Variants in GAREM1 observed in about 807,000 individuals in gnomAD.
GAREM1 encodes GRB2-associated and regulator of MAPK protein 1.
GAREM1 carries 26 observed loss-of-function variants against 71.3 expected under a neutral mutation model. The observed-to-expected ratio is 0.36, with a 90% CI of 0.27 to 0.51. GAREM1 has a LOEUF of 0.51. Ranked by LOEUF, GAREM1 falls within the 20% of genes least tolerant of loss-of-function variation. The pLI is 0.95. For missense variants in GAREM1, 1,026 were observed against 1,103.1 expected (o/e 0.93, Z 0.99); for synonymous variants, 440 against 433.2 (o/e 1.02, Z -0.20).
intron 3 of GAREM1, among the ~76,000 whole-genome samples, chr18:32,302,625 C>T (rs778596714): frequency 3.3e-5 from 5 of 152,096 alleles, no homozygotes; most frequent in Non-Finnish European, 7.4e-5. Flanking sequence ...AGACAAATAC[C>T]ACATGGTCTC....
At chr18:32,450,757 G>C (rs892970509) in intron 1 of GAREM1, among the ~76,000 whole-genome samples, 2 of 152,140 alleles carry the variant, frequency 1.3e-5, no homozygotes, top group Admixed American at 6.5e-5. Flanking sequence ...TCACCCTGTT[G>C]AAAGTTGGGT....
chr18:32,360,946 C>T (rs2047859452), intron 2 of GAREM1, among the ~76,000 whole-genome samples: 1 of 152,192 alleles, frequency 6.6e-6, no homozygotes, highest in Non-Finnish European at 1.5e-5. Context: ...GTTAAAAACA[C>T]TCTTCATGAT....
chr18:32,433,344 G>T (rs2048642580), intron 1 of GAREM1, among the ~76,000 whole-genome samples: 1 of 150,814 alleles, frequency 6.6e-6, no homozygotes, highest in Admixed American at 6.6e-5. Flanking sequence ...TCTGGTGAAA[G>T]AACAAATGTT....
intron 2 of GAREM1, among the ~76,000 whole-genome samples, chr18:32,326,675 T>C (rs1034042389): frequency 2.0e-5 from 3 of 152,206 alleles, no homozygotes; most frequent in East Asian, 3.8e-4. Context: ...AGACCGACAC[T>C]GTCTTCTTTT....
intron 3 of GAREM1, among the ~76,000 whole-genome samples, chr18:32,306,471 C>CCT (rs34231686): frequency 1.5e-4 from 23 of 151,774 alleles, no homozygotes; most frequent in East Asian, 3.9e-4. Flanking sequence ...CAACCCCCCC[C>CCT]ACCCACTAAA....
In GAREM1 at chr18:32,366,797, C is replaced by T. The variant is rs567908609; in HGVS notation, c.262+26098G>A. On this transcript the variant is annotated intron_variant, in intron 2 of 5. Transcript: ENST00000269209. ...CTACATACCAAAACTGGGTTGGCAG[C>T]TCTTAGTTGTTGAGAAAGTCCTGCA... Among the ~76,000 whole-genome samples the T allele has an allele frequency of 2.6e-5, 4 of 152,292 alleles. No individual in the cohort carries two copies. In the South Asian group the frequency reaches 8.3e-4, roughly 32 times the overall value.
intron 1 of GAREM1, among the ~76,000 whole-genome samples, chr18:32,464,485 C>T (rs1445945406): frequency 6.6e-6 from 1 of 152,150 alleles, no homozygotes; most frequent in African/African-American, 2.4e-5. Context: ...GAGAACCCAT[C>T]TCTTTTTTTA....
At chr18:32,298,543 A>C (rs956087062) in intron 3 of GAREM1, among the ~76,000 whole-genome samples, 1 of 152,182 alleles carries the variant, frequency 6.6e-6, no homozygotes, top group Non-Finnish European at 1.5e-5. Flanking sequence ...GGTCTGATCC[A>C]GGAAACTATC....
chr18:32,381,609 T>C (rs2048098918), intron 2 of GAREM1, among the ~76,000 whole-genome samples: 2 of 152,198 alleles, frequency 1.3e-5, no homozygotes, highest in South Asian at 4.1e-4. Flanking sequence ...ACTTCCTAAC[T>C]AGTTCTTCTA....
chr18:32,314,681 T>G (rs1316319463), intron 2 of GAREM1, among the ~76,000 whole-genome samples: 3 of 151,168 alleles, frequency 2.0e-5, no homozygotes, highest in African/African-American at 7.3e-5. Context: ...CTCCGCCTCC[T>G]AGGTTCAAGC....
At chr18:32,405,867 T>A (rs1283304432) in intron 1 of GAREM1, among the ~76,000 whole-genome samples, 1 of 152,240 alleles carries the variant, frequency 6.6e-6, no homozygotes, top group Non-Finnish European at 1.5e-5. Context: ...GACCACACAC[T>A]GAGTTGTTAT....
Position 32,267,648 on chromosome 18 carries a change from A to G in GAREM1, c.*223T>C, listed in dbSNP as rs966062871. 1.4e-5 allele frequency: 6 copies of G among 434,968 alleles called. No individual in the cohort carries two copies. Among genetic ancestry groups the G allele is most frequent in the African/African-American group, 1.0e-4 (5 of 50,028 alleles). The allele number at this position is 434,968 out of a possible 1,614,324, so 26.9% of individuals were successfully genotyped here. Reference sequence around the variant, plus strand: ...TTTAGCAGCTGCTGAGTGTTTGTTGAGTGACGTACAAGGCACACCTCCAAG... The same window carrying G: ...TTTAGCAGCTGCTGAGTGTTTGTTGGGTGACGTACAAGGCACACCTCCAAG... On this transcript the variant is annotated 3_prime_UTR_variant, in exon 6 of 6. Transcript: ENST00000269209.
intron 4 of GAREM1, among the ~76,000 whole-genome samples, chr18:32,272,150 T>C (rs981754120): frequency 6.6e-6 from 1 of 152,222 alleles, no homozygotes; most frequent in Non-Finnish European, 1.5e-5. Flanking sequence ...AATGGGTTCA[T>C]GTTATCACAC....
At chr18:32,448,992 A>G (rs892370712) in intron 1 of GAREM1, among the ~76,000 whole-genome samples, 1 of 152,218 alleles carries the variant, frequency 6.6e-6, no homozygotes, top group Non-Finnish European at 1.5e-5. Context: ...AGACTCTCTC[A>G]TTTTATGATA....
chr18:32,414,570 T>G (rs2048449951), intron 1 of GAREM1, among the ~76,000 whole-genome samples: 1 of 152,060 alleles, frequency 6.6e-6, no homozygotes, highest in African/African-American at 2.4e-5. Flanking sequence ...AGAAAAATTT[T>G]GGAAACCATA....
intron 2 of GAREM1, among the ~76,000 whole-genome samples, chr18:32,327,128 A>G (rs2144549558): frequency 6.6e-6 from 1 of 152,332 alleles, no homozygotes; most frequent in Middle Eastern, 3.4e-3. Context: ...GATTTCTGAT[A>G]TTGTACAAAG....
At chr18:32,438,193 G>A (rs892894914) in intron 1 of GAREM1, among the ~76,000 whole-genome samples, 2 of 152,080 alleles carry the variant, frequency 1.3e-5, no homozygotes, top group African/African-American at 4.8e-5. Flanking sequence ...GAAGGCCTAC[G>A]ATATACAACT....
chr18:32,342,308 C>A (rs2047655175), intron 2 of GAREM1, among the ~76,000 whole-genome samples: 1 of 152,142 alleles, frequency 6.6e-6, no homozygotes, highest in Non-Finnish European at 1.5e-5. Context: ...ATCTCAGCAT[C>A]CTTTGAAATG....
intron 3 of GAREM1, among the ~76,000 whole-genome samples, chr18:32,305,493 G>A (rs755491604): frequency 6.6e-6 from 1 of 151,940 alleles, no homozygotes; most frequent in East Asian, 1.9e-4. Flanking sequence ...TTCTATTCAC[G>A]CTTGGTTAGC....
Sources: allele counts gnomAD v4.1 joint callset (sites outside exome capture counted in the v4.1 genomes callset), GRCh38; gene constraint gnomAD v4.1.1; transcripts MANE v1.5; gene names NCBI Gene and HGNC (gene_info 2026-07-23, HGNC 2026-07-21).